The following PTPRN2 variants were observed in gnomAD, a reference collection of about 807,000 sequenced individuals.
PTPRN2 encodes receptor-type tyrosine-protein phosphatase N2.
PTPRN2 carries 74 observed loss-of-function variants against 118.8 expected under a neutral mutation model. That is an observed-to-expected ratio of 0.62 (90% confidence interval 0.52 to 0.76). The LOEUF (loss-of-function observed/expected upper bound fraction) is 0.76, where lower values mean the gene tolerates loss of function less well. Among genes scored for constraint, PTPRN2 ranks in the 30% least tolerant of loss-of-function variants. PTPRN2 has a pLI of 0.00. For synonymous variants in PTPRN2, 641 were observed against 608.0 expected (o/e 1.05, Z -0.80); for missense variants, 1,481 against 1,394.4 (o/e 1.06, Z -0.99).
At chr7:158,359,804 A>G (rs546089579) in intron 2 of PTPRN2, among the ~76,000 whole-genome samples, 4 of 152,182 alleles carry the variant, frequency 2.6e-5, no homozygotes, top group African/African-American at 9.7e-5. Flanking sequence ...GCGAGAGCCC[A>G]GATGCCTGAA....
At chr7:158,317,661 A>G (rs1043056963) in intron 2 of PTPRN2, among the ~76,000 whole-genome samples, 4 of 152,190 alleles carry the variant, frequency 2.6e-5, no homozygotes, top group African/African-American at 9.7e-5. Flanking sequence ...GGTGCACACA[A>G]AAGGTTAATT....
chr7:158,300,549 C>A (rs560078938), intron 3 of PTPRN2, among the ~76,000 whole-genome samples: 1 of 2,430 alleles, frequency 4.1e-4, no homozygotes, highest in African/African-American at 1.3e-3. Flanking sequence ...CCAATCTGCA[C>A]GCCCACAGCG....
Position 157,576,604 on chromosome 7 carries a change from G to C in PTPRN2, c.2783+9C>G, listed in dbSNP as rs369318747. 1.9e-6 allele frequency: 3 copies of C among 1,602,468 alleles called. No individual in the cohort carries two copies. Among genetic ancestry groups the C allele is most frequent in the Non-Finnish European group, 2.6e-6 (3 of 1,173,120 alleles). The stretch of plus-strand genomic sequence containing the variant: ...GCGCACTGCCCTGCCGGCGGGCCGC[G>C]CGTCATACCTGCGGAAGTCCAGGAG... On this transcript the variant is annotated intron_variant, in intron 19 of 22. Coordinates refer to ENST00000389418, the MANE Select transcript of PTPRN2 (RefSeq NM_002847.5).
At chr7:158,284,006 A>G (rs769338936) in intron 3 of PTPRN2, among the ~76,000 whole-genome samples, 1 of 152,202 alleles carries the variant, frequency 6.6e-6, no homozygotes, top group African/African-American at 2.4e-5. Flanking sequence ...TCACACGTTA[A>G]TCAATCACAC....
intron 1 of PTPRN2, among the ~76,000 whole-genome samples, chr7:158,556,329 A>G (rs953149798): frequency 1.3e-5 from 2 of 152,138 alleles, no homozygotes; most frequent in Non-Finnish European, 2.9e-5. Flanking sequence ...CGAGGCGGGC[A>G]GATCACCTGA....
chr7:157,575,387 C>T (rs564921748), intron 19 of PTPRN2, among the ~76,000 whole-genome samples: 2 of 152,154 alleles, frequency 1.3e-5, no homozygotes, highest in Non-Finnish European at 2.9e-5. Flanking sequence ...TTAGGATGTA[C>T]TCAGGACTCT....
intron 13 of PTPRN2, among the ~76,000 whole-genome samples, chr7:157,657,588 T>A (rs1187473095): frequency 4.2e-4 from 6 of 14,410 alleles, no homozygotes; most frequent in East Asian, 3.0e-3. Context: ...TACACACACA[T>A]ACACCACACA....
chr7:158,231,124 G>A (rs542483437), intron 3 of PTPRN2, among the ~76,000 whole-genome samples: 13 of 152,174 alleles, frequency 8.5e-5, no homozygotes, highest in Non-Finnish European at 7.4e-5. Context: ...AAAATTAGCC[G>A]GGCATGGTGG....
intron 12 of PTPRN2, among the ~76,000 whole-genome samples, chr7:157,822,131 C>T (rs1326723899): frequency 2.0e-5 from 3 of 151,982 alleles, no homozygotes; most frequent in East Asian, 1.9e-4. Flanking sequence ...ATCCATTGTG[C>T]ATTCATCTAC....
intron 3 of PTPRN2, 48 bp downstream of exon 3, chr7:158,316,771 G>A (rs542396436): frequency 1.6e-5 from 22 of 1,403,048 alleles, no homozygotes; most frequent in Admixed American, 4.2e-5. Context: ...AAGCCCGTGC[G>A]GTCGCTCAGT....
chr7:157,841,210 C>G (rs569845975), intron 12 of PTPRN2, among the ~76,000 whole-genome samples: 55 of 152,352 alleles, frequency 3.6e-4, no homozygotes, highest in African/African-American at 1.3e-3. Flanking sequence ...TTAATTCAGG[C>G]TGTTTTTGGA....
chr7:157,844,882 C>T (rs554582823), intron 12 of PTPRN2, among the ~76,000 whole-genome samples: 2 of 152,324 alleles, frequency 1.3e-5, no homozygotes, highest in East Asian at 1.9e-4. Flanking sequence ...TGCTCGTGTC[C>T]GTGCACTGTG....
chr7:158,262,559 C>CA (rs1797518236), intron 3 of PTPRN2, among the ~76,000 whole-genome samples: 1 of 147,580 alleles, frequency 6.8e-6, no homozygotes, highest in South Asian at 2.2e-4. Flanking sequence ...ACTGCACACA[C>CA]TACACACACA....
At chr7:158,366,570 C>A (rs530726554) in intron 2 of PTPRN2, among the ~76,000 whole-genome samples, 2 of 152,356 alleles carry the variant, frequency 1.3e-5, no homozygotes, top group South Asian at 2.1e-4. Flanking sequence ...CGGGAACAAG[C>A]CCACAGCGCC....
chr7:157,642,176 A>G (rs893882803), intron 14 of PTPRN2, among the ~76,000 whole-genome samples: 1 of 151,884 alleles, frequency 6.6e-6, no homozygotes, highest in Non-Finnish European at 1.5e-5. Context: ...CCAGCCCTTC[A>G]CCCCCTTTTG....
chr7:158,491,331 G>GCCAGTGCCTGCCCAGC (rs1005129767), intron 1 of PTPRN2, among the ~76,000 whole-genome samples: 2 of 152,150 alleles, frequency 1.3e-5, no homozygotes, highest in Non-Finnish European at 2.9e-5. Context: ...GGCCTGCCCA[G>GCCAGTGCCTGCCCAGC]CCAGTGCCTG....
intron 11 of PTPRN2, among the ~76,000 whole-genome samples, chr7:157,922,239 C>G (rs1476727959): frequency 6.6e-6 from 1 of 152,180 alleles, no homozygotes; most frequent in South Asian, 2.1e-4. Flanking sequence ...GGATTCTGTT[C>G]AACATCTTCA....
intron 2 of PTPRN2, among the ~76,000 whole-genome samples, chr7:158,329,700 T>C (rs1036025689): frequency 6.6e-6 from 1 of 152,196 alleles, no homozygotes; most frequent in East Asian, 1.9e-4. Flanking sequence ...ACACTGCGTA[T>C]TATTATCCCA....
rs534203379 is a variant in PTPRN2, at chr7:157,831,547, G to C, written c.1788+67126C>G. ...CACCCTGCAGTACTGAGCAGGGTGA[G>C]GCAGGGAAGAGGAGGAGCAGAGGAG... is the stretch of plus-strand genomic sequence containing the variant. On this transcript the variant is annotated intron_variant, in intron 12 of 22. Coordinates refer to ENST00000389418, the MANE Select transcript of PTPRN2 (RefSeq NM_002847.5). The surrounding 1 kb of genome is among the most constrained non-coding windows in gnomAD (Gnocchi z 4.8). 6.6e-6 allele frequency among the ~76,000 whole-genome samples: 1 copy of C among 152,168 alleles called. No homozygotes were observed. The highest frequency in any genetic ancestry group is 1.5e-5 in the Non-Finnish European group (1 of 68,038).
Sources: allele counts gnomAD v4.1 joint callset (sites outside exome capture counted in the v4.1 genomes callset), GRCh38; gene constraint gnomAD v4.1.1; non-coding constraint Gnocchi (gnomAD v3.1); transcripts MANE v1.5; gene names NCBI Gene and HGNC (gene_info 2026-07-23, HGNC 2026-07-21).